ATP6V1D: variants seen among roughly 807,000 people sequenced by gnomAD.
ATP6V1D encodes the protein V-type proton ATPase subunit D.
Under a neutral mutation model 39.4 loss-of-function variants are expected in ATP6V1D, and 20 were observed. That is an observed-to-expected ratio of 0.51 (90% CI 0.36 to 0.74). The LOEUF is 0.74. ATP6V1D is among the 30% of genes least tolerant of loss of function. ATP6V1D has a pLI of 0.00. For synonymous variants in ATP6V1D, 100 were observed against 100.5 expected (o/e 0.99, Z 0.03); for missense variants, 228 against 291.6 (o/e 0.78, Z 1.59).
At chr14:67,353,293 G>A (rs144617429) in intron 1 of ATP6V1D, among the ~76,000 whole-genome samples, 1 of 152,320 alleles carries the variant, frequency 6.6e-6, no homozygotes, top group African/African-American at 2.4e-5. Context: ...GGTCATCTGG[G>A]ATCTGCCCTC....
intron 1 of ATP6V1D, 86 bp from the exon 2 acceptor site, chr14:67,353,126 CT>C: frequency 9.9e-7 from 1 of 1,011,952 alleles, no homozygotes. Context: ...TAAAATTATC[CT>C]TTATCCTTTG....
At chr14:67,339,277 A>G (rs1262650217) in intron 8 of ATP6V1D, among the ~76,000 whole-genome samples, 1 of 152,150 alleles carries the variant, frequency 6.6e-6, no homozygotes, top group East Asian at 1.9e-4. Context: ...GATTACAGGC[A>G]TGAGCCACCG....
In ATP6V1D at chr14:67,350,044, C is replaced by A. The variant is rs113271244; in HGVS notation, c.239+567G>T. ...GAATAACAATGCTTGCCTTACCTATCTCATAGTGTTATTTGGAGAATTACA... is the reference window on the plus strand; with the variant it reads ...GAATAACAATGCTTGCCTTACCTATATCATAGTGTTATTTGGAGAATTACA... On this transcript the variant is annotated intron_variant, in intron 3 of 8. Coordinates refer to ENST00000216442, the MANE Select transcript of ATP6V1D (RefSeq NM_015994.4). Among the ~76,000 whole-genome samples the A allele has an allele frequency of 8.5e-3, 1,293 of 152,340 alleles. 12 individuals are homozygous for A. The highest frequency in any genetic ancestry group is 0.018 in the Admixed American group (278 of 15,298).
At chr14:67,358,185 G>C (rs1014351978) in intron 1 of ATP6V1D, among the ~76,000 whole-genome samples, 1 of 152,134 alleles carries the variant, frequency 6.6e-6, no homozygotes, top group Non-Finnish European at 1.5e-5. Context: ...TTTCAGTGCA[G>C]AAGTTTTGAC....
chr14:67,339,763 T>G (rs1375020103), intron 8 of ATP6V1D, among the ~76,000 whole-genome samples: 2 of 152,164 alleles, frequency 1.3e-5, no homozygotes, highest in Non-Finnish European at 2.9e-5. Flanking sequence ...CTCTCAGTTT[T>G]TATGTAGGAG....
chr14:67,341,318 C>T (rs1412500484), intron 7 of ATP6V1D, among the ~76,000 whole-genome samples: 4 of 152,048 alleles, frequency 2.6e-5, no homozygotes, highest in Admixed American at 6.5e-5. Context: ...CGTCTCTGCC[C>T]GGCCACCCCG....
At position 67,343,406 on chromosome 14, in the gene ATP6V1D, C is replaced by T. The variant is rs1269664168; in HGVS notation, c.489G>A (p.Lys163=). The T allele has an allele frequency of 3.1e-6, 5 of 1,611,882 alleles. No homozygotes were observed. Among genetic ancestry groups the T allele is most frequent in the Non-Finnish European group, 3.4e-6 (4 of 1,178,148 alleles). ...TSFVTLDEAI[K]ITNRRVNAIE... Reference sequence around the variant, plus strand: ...TGGCATTTACACGCCTGTTGGTTATCTTAATAGCTTCATCCAAAGTAACAA... The same window carrying T: ...TGGCATTTACACGCCTGTTGGTTATTTTAATAGCTTCATCCAAAGTAACAA... The change falls in exon 7 of 9, where the codon AAG becomes AAA. Residue 163 remains lysine, a synonymous_variant. Transcript: ENST00000216442.
chr14:67,342,819 GCTTT>G (rs781539186), intron 7 of ATP6V1D, among the ~76,000 whole-genome samples: 26 of 151,686 alleles, frequency 1.7e-4, no homozygotes, highest in South Asian at 2.1e-4. Flanking sequence ...TTCAAATTTT[GCTTT>G]CTTACCTAAA....
chr14:67,359,547 G>C, intron 1 of ATP6V1D, 111 bp downstream of exon 1: 2 of 1,255,148 alleles, frequency 1.6e-6, no homozygotes, highest in South Asian at 1.3e-5. Context: ...CCTGGGAAAA[G>C]CTCAGGATCC....
chr14:67,348,837 G>A, intron 4 of ATP6V1D, 200 bp downstream of exon 4: 2 of 537,504 alleles, frequency 3.7e-6, no homozygotes, highest in Middle Eastern at 4.9e-4. Context: ...GCCTTCTTAA[G>A]TGTTCACTTC....
At chr14:67,359,001 T>C (rs191171802) in intron 1 of ATP6V1D, among the ~76,000 whole-genome samples, 35 of 152,270 alleles carry the variant, frequency 2.3e-4, no homozygotes, top group Admixed American at 2.2e-3. Flanking sequence ...TAAACAAATA[T>C]CTACTTTACA....
intron 1 of ATP6V1D, 53 bp downstream of exon 1, chr14:67,359,605 G>A: frequency 6.2e-7 from 1 of 1,604,554 alleles, no homozygotes; most frequent in South Asian, 1.1e-5. Context: ...TGAAGGGACC[G>A]CGCTCCGGGT....
At chr14:67,344,670 G>T (rs928368952) in intron 6 of ATP6V1D, among the ~76,000 whole-genome samples, 4 of 152,042 alleles carry the variant, frequency 2.6e-5, no homozygotes, top group Non-Finnish European at 5.9e-5. Flanking sequence ...CTTGAGGCCA[G>T]GAGTTTGAGA....
intron 8 of ATP6V1D, among the ~76,000 whole-genome samples, chr14:67,339,838 C>T (rs1253109051): frequency 6.6e-6 from 1 of 152,080 alleles, no homozygotes; most frequent in African/African-American, 2.4e-5. Flanking sequence ...GTGGCTCATG[C>T]GTGTAATCCC....
At chr14:67,343,225 T>C (rs762587915) in intron 7 of ATP6V1D, 147 bp downstream of exon 7, 59 of 522,424 alleles carry the variant, frequency 1.1e-4, no homozygotes, top group Non-Finnish European at 1.9e-4. Flanking sequence ...TTTTTTACTA[T>C]GGACACACTT....
chr14:67,339,718 A>G (rs1197827829), intron 8 of ATP6V1D, among the ~76,000 whole-genome samples: 1 of 152,208 alleles, frequency 6.6e-6, no homozygotes, highest in African/African-American at 2.4e-5. Context: ...CATGAAATAC[A>G]TATTTGTTGA....
At chr14:67,348,728 G>T in intron 4 of ATP6V1D, 1 of 225,114 alleles carries the variant, frequency 4.4e-6, no homozygotes, top group South Asian at 5.8e-5. Flanking sequence ...CACCATGTTG[G>T]CCAGGCTGGT....
chr14:67,358,861 G>A (rs867700075), intron 1 of ATP6V1D, among the ~76,000 whole-genome samples: 5 of 152,170 alleles, frequency 3.3e-5, no homozygotes, highest in Admixed American at 6.5e-5. Context: ...CCAAAAGAAA[G>A]GCAGCCCACA....
intron 7 of ATP6V1D, 60 bp from the exon 8 acceptor site, chr14:67,340,578 A>C: frequency 7.3e-7 from 1 of 1,362,874 alleles, no homozygotes; most frequent in South Asian, 1.2e-5. Context: ...TCAAATTATC[A>C]GTGCTCATTT....
Sources: allele counts gnomAD v4.1 joint callset (sites outside exome capture counted in the v4.1 genomes callset), GRCh38; gene constraint gnomAD v4.1.1; transcripts MANE v1.5; gene names NCBI Gene and HGNC (gene_info 2026-07-23, HGNC 2026-07-21).